DCAF6: variants seen among roughly 807,000 people sequenced by gnomAD.
DCAF6 encodes the protein DDB1- and CUL4-associated factor 6.
DCAF6 carries 54 observed loss-of-function variants against 125.1 expected under a neutral mutation model. The observed-to-expected ratio is 0.43, with a 90% confidence interval of 0.35 to 0.54. DCAF6 has a LOEUF of 0.54. DCAF6 is among the 20% of genes least tolerant of loss of function. The probability of loss-of-function intolerance (pLI) is 0.01; values close to 1 mark genes in which losing one functional copy is unlikely to be tolerated. For synonymous variants in DCAF6, 371 were observed against 390.4 expected (o/e 0.95, Z 0.58); for missense variants, 934 against 1,161.7 (o/e 0.80, Z 2.85).
At chr1:167,920,140 C>A in the DCAF6 span, 2 of 1,149,668 alleles carry the variant, frequency 1.7e-6, no homozygotes, top group South Asian at 1.3e-5. Flanking sequence ...GCTTCAATAA[C>A]TTCAGTGAAT....
intron 10 of DCAF6, among the ~76,000 whole-genome samples, chr1:168,007,253 G>A (rs570041817): frequency 1.3e-5 from 2 of 151,984 alleles, no homozygotes; most frequent in Non-Finnish European, 2.9e-5. Context: ...CAAAGATTTC[G>A]CCCCTTCTCT....
chr1:167,870,400 T>C, the DCAF6 span: 1 of 1,608,990 alleles, frequency 6.2e-7, no homozygotes, highest in Non-Finnish European at 8.5e-7. Flanking sequence ...AGTTGATCTC[T>C]TTATTACGTC....
At chr1:167,885,518 G>T in the DCAF6 span, among the ~76,000 whole-genome samples, 2 of 152,114 alleles carry the variant, frequency 1.3e-5, no homozygotes, top group Non-Finnish European at 1.5e-5. Context: ...TTGTAGTTTT[G>T]ATTTTCATTT....
At chr1:167,919,922 T>C in the DCAF6 span, 33 of 1,222,818 alleles carry the variant, frequency 2.7e-5, no homozygotes, top group Admixed American at 1.4e-4. Flanking sequence ...AAAAAAAAAA[T>C]TAGTGCCATC....
chr1:167,878,479 G>A, the DCAF6 span: 1 of 1,614,080 alleles, frequency 6.2e-7, no homozygotes, highest in Non-Finnish European at 8.5e-7. Context: ...CTGATACAAT[G>A]GTCCAGAATC....
chr1:168,022,460 G>C (rs950579301), intron 11 of DCAF6, among the ~76,000 whole-genome samples: 2 of 152,144 alleles, frequency 1.3e-5, no homozygotes, highest in African/African-American at 4.8e-5. Flanking sequence ...GCATGTTTCT[G>C]TAATGATAAT....
intron 10 of DCAF6, among the ~76,000 whole-genome samples, chr1:168,005,253 T>G (rs1683188721): frequency 6.6e-6 from 1 of 152,100 alleles, no homozygotes; most frequent in Non-Finnish European, 1.5e-5. Flanking sequence ...TTTGATATGG[T>G]CTTTTGTCAA....
chr1:167,934,762 T>G (rs900396817), upstream of DCAF6, among the ~76,000 whole-genome samples: 1 of 152,188 alleles, frequency 6.6e-6, no homozygotes, highest in African/African-American at 2.4e-5. Context: ...ACTTCAGTCT[T>G]TCAATTTACA....
chr1:168,045,017 A>G lies in DCAF6; in HGVS notation c.2048A>G (p.Lys683Arg), dbSNP rs1331543395. The change falls in exon 16 of 22, where the codon AAG (lysine) becomes AGG (arginine). Residue 683 changes from lysine (K) to arginine (R), a missense_variant. Lys to Arg is a conservative substitution (Grantham distance 26). Around this residue, in one of 5 missense-constraint regions of DCAF6, gnomAD observed 559 missense variants for 635.5 expected, o/e 0.88. Coordinates refer to ENST00000367840, the MANE Select transcript of DCAF6 (RefSeq NM_001198956.2). ...PEESASSEKAKEPETSDQTST... is the reference protein window; with the variant it reads ...PEESASSEKAREPETSDQTST... The stretch of plus-strand genomic sequence containing the variant: ...GAATCTGCTTCATCTGAAAAAGCCA[A>G]GGAACCAGAAACTTCAGATCAGACT... 1 of 1,614,114 alleles carries G rather than the reference A, an allele frequency of 6.2e-7. No individual in the cohort carries two copies.
the DCAF6 span, among the ~76,000 whole-genome samples, chr1:167,915,855 T>G: frequency 6.6e-6 from 1 of 152,222 alleles, no homozygotes; most frequent in African/African-American, 2.4e-5. Context: ...GTACTATGAT[T>G]ATCCTCATTT....
chr1:167,908,068 C>T, the DCAF6 span, among the ~76,000 whole-genome samples: 1 of 152,120 alleles, frequency 6.6e-6, no homozygotes, highest in Non-Finnish European at 1.5e-5. Context: ...TGGGTATATA[C>T]CCAAAGGAAT....
the DCAF6 span, among the ~76,000 whole-genome samples, chr1:167,922,642 G>A: frequency 3.3e-5 from 5 of 151,698 alleles, no homozygotes; most frequent in South Asian, 4.2e-4. Flanking sequence ...TACAGCTCCC[G>A]AATGACTTAT....
chr1:167,985,528 G>T (rs80171614), intron 4 of DCAF6, among the ~76,000 whole-genome samples: 12,817 of 151,958 alleles, frequency 0.084, 594 homozygotes, highest in Middle Eastern at 0.1. Flanking sequence ...GTTTTGCTCA[G>T]TAAGACCCTT....
intron 2 of DCAF6, among the ~76,000 whole-genome samples, chr1:167,959,033 C>T (rs1347277989): frequency 6.6e-6 from 1 of 152,188 alleles, no homozygotes; most frequent in Non-Finnish European, 1.5e-5. Flanking sequence ...TGTGCTCTGC[C>T]TATTTATCAC....
chr1:167,885,781 AT>A, the DCAF6 span, among the ~76,000 whole-genome samples: 2 of 151,896 alleles, frequency 1.3e-5, no homozygotes, highest in Admixed American at 1.3e-4. Flanking sequence ...CGCCCAGCTA[AT>A]TTTTTGTATT....
chr1:167,880,545 G>T, the DCAF6 span: 2 of 1,614,158 alleles, frequency 1.2e-6, no homozygotes, highest in Non-Finnish European at 1.7e-6. Flanking sequence ...ACATTCCAGA[G>T]CATGAGTGAG....
At position 167,965,882 on chromosome 1, in the gene DCAF6, G is replaced by A. The variant is rs555838656; in HGVS notation, c.160-747G>A. ...ACCTCTGACATCAGGTGATCCACCC[G>A]CTTTGGCCTCCCAAAGTGCTGGGAT... On this transcript the variant is annotated intron_variant, in intron 2 of 21. Coordinates refer to ENST00000367840, the MANE Select transcript of DCAF6 (RefSeq NM_001198956.2). 2.6e-5 allele frequency among the ~76,000 whole-genome samples: 4 copies of A among 152,242 alleles called. No homozygotes were observed. In the South Asian group the frequency reaches 6.2e-4, roughly 24 times the overall value.
chr1:167,865,088 A>C, the DCAF6 span, among the ~76,000 whole-genome samples: 701 of 152,330 alleles, frequency 4.6e-3, 3 homozygotes, highest in African/African-American at 0.015. Context: ...TTTATGCAAA[A>C]AATATTGTAT....
At chr1:168,021,652 G>A (rs1685684815) in intron 11 of DCAF6, among the ~76,000 whole-genome samples, 1 of 152,164 alleles carries the variant, frequency 6.6e-6, no homozygotes, top group Non-Finnish European at 1.5e-5. Flanking sequence ...TAATGATCAT[G>A]TTTTGTCAAA....
Sources: gnomAD v4.1 joint callset for allele counts (sites outside exome capture counted in the v4.1 genomes callset) on GRCh38, gnomAD v4.1.1 for gene constraint, gnomAD v4.1.1 regional missense constraint, MANE v1.5 for transcripts, NCBI Gene and HGNC (gene_info 2026-07-23, HGNC 2026-07-21) for gene names.